The following NRXN3 variants were observed in gnomAD, a reference collection of about 807,000 sequenced individuals.
NRXN3 encodes neurexin III.
NRXN3 carries 32 observed loss-of-function variants against 137.6 expected under a neutral mutation model. The observed-to-expected ratio is 0.23, with a 90% CI of 0.18 to 0.31. The LOEUF (loss-of-function observed/expected upper bound fraction) is 0.31, where lower values mean the gene tolerates loss of function less well. NRXN3 is among the 10% of genes least tolerant of loss of function. The pLI, the probability that NRXN3 is intolerant of heterozygous loss-of-function variation, is 1.00. For missense variants in NRXN3, 1,574 were observed against 2,062.5 expected (o/e 0.76, Z 4.59); for synonymous variants, 798 against 784.5 (o/e 1.02, Z -0.29).
At chr14:78,751,289 T>C (rs1220118430) in intron 8 of NRXN3, among the ~76,000 whole-genome samples, 4 of 152,190 alleles carry the variant, frequency 2.6e-5, no homozygotes, top group Admixed American at 2.6e-4. Context: ...ATCCCCGATG[T>C]TCCGAAGAAA....
intron 19 of NRXN3, among the ~76,000 whole-genome samples, chr14:79,734,020 T>A (rs1409417655): frequency 6.6e-6 from 1 of 152,112 alleles, no homozygotes; most frequent in Admixed American, 6.6e-5. Flanking sequence ...TATTCAAGAT[T>A]CACTGACTTG....
rs372716892 is a variant in NRXN3 at position 78,463,031 on chromosome 14, T to C, written c.757+165171T>C. Reference sequence around the variant, plus strand: ...CCCACCTTTTGGAGTCTCTAATGTCTTTATTCTACTCGGTACACCCACGTG... The same window carrying C: ...CCCACCTTTTGGAGTCTCTAATGTCCTTATTCTACTCGGTACACCCACGTG... On this transcript the variant is annotated intron_variant, in intron 4 of 20. Coordinates refer to ENST00000335750, the MANE Select transcript of NRXN3 (RefSeq NM_001330195.2). 1.2e-4 allele frequency among the ~76,000 whole-genome samples: 18 copies of C among 152,308 alleles called. 1 individual carries two copies. The highest frequency in any genetic ancestry group is 7.7e-4 in the East Asian group (4 of 5,182).
chr14:78,970,406 T>A (rs2099433226), intron 14 of NRXN3, among the ~76,000 whole-genome samples: 1 of 152,190 alleles, frequency 6.6e-6, no homozygotes. Flanking sequence ...TGCACTTTTT[T>A]TCACATTAAG....
At chr14:78,180,819 G>A (rs2059742895) in intron 1 of NRXN3, among the ~76,000 whole-genome samples, 1 of 152,170 alleles carries the variant, frequency 6.6e-6, no homozygotes, top group African/African-American at 2.4e-5. Context: ...CCAGCCTCTG[G>A]TGGAGAAAAG....
Position 79,466,069 on chromosome 14 carries a change from T to C in NRXN3, c.3263-1152T>C, listed in dbSNP as rs74068677. 0.016 allele frequency among the ~76,000 whole-genome samples: 2,410 copies of C among 152,352 alleles called. 101 individuals are homozygous for C. The East Asian group carries it at 0.17, about 11-fold the overall frequency. ...AATATATTCTTAGTAACTCCTGAGTTCATATGGATAATAGTAAAAACACAA... is the reference window on the plus strand; with the variant it reads ...AATATATTCTTAGTAACTCCTGAGTCCATATGGATAATAGTAAAAACACAA... On this transcript the variant is annotated intron_variant, in intron 15 of 20. Coordinates refer to ENST00000335750, the MANE Select transcript of NRXN3 (RefSeq NM_001330195.2).
intron 8 of NRXN3, among the ~76,000 whole-genome samples, chr14:78,784,399 T>C (rs1192955458): frequency 6.6e-6 from 1 of 152,178 alleles, no homozygotes; most frequent in African/African-American, 2.4e-5. Flanking sequence ...TAGTAGATGA[T>C]GAGCTGTAAA....
At chr14:78,649,168 T>A (rs2097714926) in intron 5 of NRXN3, 1 of 747,104 alleles carries the variant, frequency 1.3e-6, no homozygotes, top group African/African-American at 1.8e-5. Flanking sequence ...CCGACTAATG[T>A]ACTAACACCC....
intron 4 of NRXN3, among the ~76,000 whole-genome samples, chr14:78,358,474 G>C (rs546199156): frequency 1.6e-4 from 24 of 152,240 alleles, no homozygotes; most frequent in Non-Finnish European, 2.5e-4. Context: ...TTTAGTCCTT[G>C]CTGCTATTCT....
At chr14:79,444,200 G>T (rs78287996) in intron 15 of NRXN3, among the ~76,000 whole-genome samples, 1 of 152,142 alleles carries the variant, frequency 6.6e-6, no homozygotes, top group Admixed American at 6.5e-5. Context: ...AAAAATACCC[G>T]TGTGAACTAT....
chr14:78,317,993 G>A (rs2078910952), intron 4 of NRXN3, among the ~76,000 whole-genome samples: 1 of 152,158 alleles, frequency 6.6e-6, no homozygotes, highest in South Asian at 2.1e-4. Flanking sequence ...AATGGATATT[G>A]AGTTGCAAAT....
chr14:79,866,429 G>T lies in NRXN3; in HGVS notation c.*4465G>T, dbSNP rs2099418104. ...TTATGTAAGGGAAGGCTTCATAGAA[G>T]GGGTGACATTTTGGTAAACCTTGGA... On this transcript the variant is annotated 3_prime_UTR_variant, in exon 21 of 21. Coordinates refer to ENST00000335750, the MANE Select transcript of NRXN3 (RefSeq NM_001330195.2). The T allele has an allele frequency of 6.6e-6, 1 of 152,168 alleles. No individual in the cohort carries two copies. Among genetic ancestry groups the T allele is most frequent in the Non-Finnish European group, 1.5e-5 (1 of 68,038 alleles). The allele number at this position is 152,168 out of a possible 1,614,324, so 9.4% of individuals were successfully genotyped here.
chr14:78,543,537 G>A (rs2096611326), intron 4 of NRXN3, among the ~76,000 whole-genome samples: 1 of 152,060 alleles, frequency 6.6e-6, no homozygotes, highest in African/African-American at 2.4e-5. Flanking sequence ...CCTTAAATAA[G>A]CATAGCATCT....
intron 16 of NRXN3, among the ~76,000 whole-genome samples, chr14:79,564,210 T>C (rs1488319152): frequency 6.6e-6 from 1 of 152,058 alleles, no homozygotes; most frequent in African/African-American, 2.4e-5. Flanking sequence ...AGTATTTTTC[T>C]TTGCATAGTG....
At chr14:78,231,562 G>T (rs1378326819) in intron 1 of NRXN3, 1 of 152,142 alleles carries the variant, frequency 6.6e-6, no homozygotes, top group Non-Finnish European at 1.5e-5. Context: ...CAATAAATAG[G>T]CTGAATATGG....
intron 15 of NRXN3, among the ~76,000 whole-genome samples, chr14:79,221,113 A>G (rs1340581421): frequency 6.6e-6 from 1 of 152,108 alleles, no homozygotes; most frequent in African/African-American, 2.4e-5. Flanking sequence ...ATTGTATTCC[A>G]TGGTGTATAT....
chr14:78,252,838 G>A (rs75582691), intron 2 of NRXN3, among the ~76,000 whole-genome samples: 27,285 of 152,186 alleles, frequency 0.18, 2,709 homozygotes, highest in Middle Eastern at 0.25. Context: ...CAAATAGAAA[G>A]GAGTACCCAC....
At chr14:79,332,716 C>G (rs763811819) in intron 15 of NRXN3, among the ~76,000 whole-genome samples, 10 of 152,098 alleles carry the variant, frequency 6.6e-5, no homozygotes, top group Non-Finnish European at 1.5e-5. Context: ...TAGGCTGCAT[C>G]CCTCAATAGA....
At chr14:79,244,565 G>A (rs2074870441) in intron 15 of NRXN3, among the ~76,000 whole-genome samples, 1 of 152,052 alleles carries the variant, frequency 6.6e-6, no homozygotes, top group South Asian at 2.1e-4. Flanking sequence ...AGCGGTAGAG[G>A]TTTGTCAGAA....
rs907935326 is a variant in NRXN3, at chr14:78,249,986, T to G, written c.709+6184T>G. 7.3e-6 allele frequency: 3 copies of G among 410,748 alleles called. No individual in the cohort carries two copies. In the Admixed American group the frequency reaches 8.9e-5, roughly 12 times the overall value. The allele number at this position is 410,748 out of a possible 1,614,324, so 25.4% of individuals were successfully genotyped here. A position where few individuals can be genotyped will look rare whatever the true frequency, so the allele number is the denominator to read the frequency against. ...CTTTAGTAACAATGATAGCTAATAATCACAGAGCACTGGCTCCAGGCTCAC... is the reference window on the plus strand; with the variant it reads ...CTTTAGTAACAATGATAGCTAATAAGCACAGAGCACTGGCTCCAGGCTCAC... On this transcript the variant is annotated intron_variant, in intron 2 of 20. Coordinates refer to ENST00000335750, the MANE Select transcript of NRXN3 (RefSeq NM_001330195.2).
Sources: allele counts gnomAD v4.1 joint callset (sites outside exome capture counted in the v4.1 genomes callset), GRCh38; gene constraint gnomAD v4.1.1; transcripts MANE v1.5; gene names NCBI Gene and HGNC (gene_info 2026-07-23, HGNC 2026-07-21).